The following RP1L1 variants were observed in gnomAD, a reference collection of about 807,000 sequenced individuals.
RP1L1 encodes retinitis pigmentosa 1-like 1 protein.
A neutral mutation model predicts 15.7 loss-of-function variants in RP1L1; 27 were observed. The observed-to-expected ratio is 1.72, with a 90% CI of 1.27 to 2.38. RP1L1 has a LOEUF of 2.38. Ranked by LOEUF, RP1L1 falls within the 30% of genes most tolerant of loss-of-function variation. The pLI, the probability that RP1L1 is intolerant of heterozygous loss-of-function variation, is 0.00. For synonymous variants in RP1L1, 1,813 were observed against 1,276.7 expected (o/e 1.42, Z -8.96); for missense variants, 4,798 against 3,075.9 (o/e 1.56, Z -13.24).
At position 10,609,271 on chromosome 8, in the gene RP1L1, A is replaced by G; in HGVS notation, c.4827T>C (p.Arg1609=). 6.2e-7 allele frequency: 1 copy of G among 1,609,630 alleles called. No individual in the cohort carries two copies. The change falls in exon 4 of 4, where the codon CGT becomes CGC. Residue 1609 remains arginine (R), a synonymous_variant. Transcript: ENST00000382483. ...LLLQTQQRRH[R]LRGLRNLSAF... ...CCGAGAGGTTTCGCAGGCCCCGGAG[A>G]CGGTGTCTGCGCTGCTGGGTCTGCA...
At chr8:10,624,600 G>A (rs1312815670) in intron 1 of RP1L1, among the ~76,000 whole-genome samples, 2 of 152,200 alleles carry the variant, frequency 1.3e-5, no homozygotes, top group Non-Finnish European at 2.9e-5. Context: ...CAGCTGGGTG[G>A]TGTTGGAAGG....
In RP1L1 at chr8:10,612,786, A is replaced by G; in HGVS notation, c.1312T>C (p.Trp438Arg). The G allele has an allele frequency of 6.2e-7, 1 of 1,610,518 alleles. No individual in the cohort carries two copies. Among genetic ancestry groups the G allele is most frequent in the Non-Finnish European group, 8.5e-7 (1 of 1,179,914 alleles). Residue 438 changes from tryptophan to arginine, a missense_variant, in exon 4 of 4, where the codon TGG becomes CGG. Coordinates refer to ENST00000382483, the MANE Select transcript of RP1L1 (RefSeq NM_178857.6). ...TCCCTCCCGGCAGTCCCGTGGCCCCACAGGCCACTGCAGCGGACGTGCTGG... is the reference window on the plus strand; with the variant it reads ...TCCCTCCCGGCAGTCCCGTGGCCCCGCAGGCCACTGCAGCGGACGTGCTGG... ...LAQHVRCSGL[W>R]GHGTAGRERC... is the part of the protein sequence containing the mutation.
Position 10,607,320 on chromosome 8 carries a change from C to T in RP1L1, c.6778G>A (p.Gly2260Ser). The change falls in exon 4 of 4, where the codon GGC (glycine) becomes AGC (serine). Residue 2260 changes from glycine to serine, a missense_variant. By Grantham distance (56) the Gly-to-Ser change is moderately conservative (BLOSUM62 0). Transcript: ENST00000382483. Reference sequence around the variant, plus strand: ...CTTTCAGAAGCCTCCTCAGATTGGCCATCTCCTAGACTGACCTGAGGGCTC... The same window carrying T: ...CTTTCAGAAGCCTCCTCAGATTGGCTATCTCCTAGACTGACCTGAGGGCTC... ...KGSPQVSLGD[G>S]QSEEASESSS... 6.2e-7 allele frequency: 1 copy of T among 1,614,218 alleles called. No individual in the cohort carries two copies. Among genetic ancestry groups the T allele is most frequent in the South Asian group, 1.1e-5 (1 of 91,082 alleles).
intron 1 of RP1L1, among the ~76,000 whole-genome samples, chr8:10,629,822 C>T (rs1798213548): frequency 6.6e-6 from 1 of 151,742 alleles, no homozygotes; most frequent in Non-Finnish European, 1.5e-5. Context: ...CAGAGGAAGG[C>T]TGCTGTGGGC....
chr8:10,608,899 C>T lies in RP1L1; in HGVS notation c.5199G>A (p.Gly1733=), dbSNP rs758599234. The T allele has an allele frequency of 3.7e-6, 6 of 1,614,012 alleles. No homozygotes were observed. The highest frequency in any genetic ancestry group is 4.2e-6 in the Non-Finnish European group (5 of 1,180,040). Residue 1733 remains glycine, a synonymous_variant, in exon 4 of 4, where the codon GGG becomes GGA. Coordinates refer to ENST00000382483, the MANE Select transcript of RP1L1 (RefSeq NM_178857.6). ...CGTCCACTCCAGGCCCCTGGCTCAG[C>T]CCCGGCCCCAGCCCTCCCTCAGCTC... ...VQGAEGGLGP[G]LSQGPGVDEG...
intron 1 of RP1L1, among the ~76,000 whole-genome samples, chr8:10,637,194 T>C (rs1184622954): frequency 6.6e-6 from 1 of 152,192 alleles, no homozygotes; most frequent in East Asian, 1.9e-4. Flanking sequence ...ACAGCAAGGC[T>C]GCCTCTCCCC....
At chr8:10,633,638 G>C (rs1190750252) in intron 1 of RP1L1, among the ~76,000 whole-genome samples, 1 of 152,104 alleles carries the variant, frequency 6.6e-6, no homozygotes, top group Non-Finnish European at 1.5e-5. Flanking sequence ...CTGCTGTTCT[G>C]TGGTCATCAT....
At chr8:10,628,563 G>A (rs182659260) in intron 1 of RP1L1, among the ~76,000 whole-genome samples, 307 of 152,312 alleles carry the variant, frequency 2.0e-3, no homozygotes, top group African/African-American at 7.2e-3. Flanking sequence ...AAGGAGAGGA[G>A]AAACAACAGA....
intron 1 of RP1L1, among the ~76,000 whole-genome samples, chr8:10,638,023 G>A (rs556692101): frequency 9.2e-5 from 14 of 152,220 alleles, no homozygotes; most frequent in Non-Finnish European, 1.8e-4. Context: ...GGTGGCTTGC[G>A]AGACCAGAGC....
rs1797860235 is a variant in RP1L1, at chr8:10,611,720, C to G, written c.2378G>C (p.Gly793Ala). 6.2e-7 allele frequency: 1 copy of G among 1,613,640 alleles called. No individual in the cohort carries two copies. Among genetic ancestry groups the G allele is most frequent in the South Asian group, 1.1e-5 (1 of 91,078 alleles). ...CTGAGGCGTGTCCCTGGCCTCTTCCCCCAGGCTGGCAGCCCCAGATTTTGA... is the reference window on the plus strand; with the variant it reads ...CTGAGGCGTGTCCCTGGCCTCTTCCGCCAGGCTGGCAGCCCCAGATTTTGA... The part of the protein sequence containing the change: ...SCSKSGAASL[G>A]EEARDTPQPS... The change falls in exon 4 of 4, where the codon GGG (glycine) becomes GCG (alanine). Residue 793 changes from glycine (G) to alanine (A), a missense_variant. Gly to Ala is a moderately conservative substitution (Grantham distance 60). Coordinates refer to ENST00000382483, the MANE Select transcript of RP1L1 (RefSeq NM_178857.6).
In RP1L1 at chr8:10,609,494, G is replaced by T. The variant is rs1797785809; in HGVS notation, c.4604C>A (p.Ala1535Asp). The T allele has an allele frequency of 1.2e-6, 2 of 1,610,678 alleles. No individual in the cohort carries two copies. ...KTEKAFLAHL[A>D]SAVAELRARW... Reference sequence around the variant, plus strand: ...TGCTCGGAGCTCAGCCACCGCACTGGCAAGGTGGGCCAGGAAGGCCTTCTC... The same window carrying T: ...TGCTCGGAGCTCAGCCACCGCACTGTCAAGGTGGGCCAGGAAGGCCTTCTC... The change falls in exon 4 of 4, where the codon GCC becomes GAC. Residue 1535 changes from alanine to aspartate, a missense_variant. Coordinates refer to ENST00000382483, the MANE Select transcript of RP1L1 (RefSeq NM_178857.6).
At chr8:10,615,382 G>C (rs969934909) in intron 3 of RP1L1, among the ~76,000 whole-genome samples, 9 of 152,156 alleles carry the variant, frequency 5.9e-5, no homozygotes, top group Admixed American at 5.9e-4. Flanking sequence ...TATATGGTTG[G>C]TTGTATGGAT....
rs941538402 is a variant in RP1L1, at chr8:10,631,224, A to C, written c.-19-8004T>G. Among the ~76,000 whole-genome samples the C allele has an allele frequency of 1.3e-4, 17 of 127,990 alleles. No homozygotes were observed. In the South Asian group the frequency reaches 4.5e-3, roughly 34 times the overall value. 84.0% of individuals were successfully genotyped at this position (127,990 alleles called of 152,430 possible). ...AAAAACACACACACACACACACACA[A>C]ACGCACACACGTACACACATGCACA... On this transcript the variant is annotated intron_variant, in intron 1 of 3. Coordinates refer to ENST00000382483, the MANE Select transcript of RP1L1 (RefSeq NM_178857.6).
chr8:10,628,506 C>A (rs753902909), intron 1 of RP1L1, among the ~76,000 whole-genome samples: 6 of 152,126 alleles, frequency 3.9e-5, no homozygotes, highest in Non-Finnish European at 5.9e-5. Flanking sequence ...ATCCAGGAAG[C>A]CCAGGCTAAG....
At chr8:10,630,344 G>C (rs754519380) in intron 1 of RP1L1, among the ~76,000 whole-genome samples, 2 of 152,216 alleles carry the variant, frequency 1.3e-5, no homozygotes, top group Non-Finnish European at 2.9e-5. Flanking sequence ...CATCTAACAA[G>C]TCCTGCCTCT....
intron 1 of RP1L1, among the ~76,000 whole-genome samples, chr8:10,642,158 A>T (rs917273563): frequency 6.6e-6 from 1 of 152,234 alleles, no homozygotes; most frequent in African/African-American, 2.4e-5. Flanking sequence ...ATAATTAATT[A>T]TCTCAAAATG....
At chr8:10,639,216 T>A (rs1471456648) in intron 1 of RP1L1, among the ~76,000 whole-genome samples, 1 of 151,806 alleles carries the variant, frequency 6.6e-6, no homozygotes, top group Non-Finnish European at 1.5e-5. Context: ...TGCCCTCAAT[T>A]CTGCTCTTCA....
chr8:10,634,946 C>A (rs892179638), intron 1 of RP1L1, among the ~76,000 whole-genome samples: 3 of 152,216 alleles, frequency 2.0e-5, no homozygotes, highest in Admixed American at 6.5e-5. Flanking sequence ...CCATCTCCCC[C>A]AGAAATGCAT....
At chr8:10,616,110 TG>T (rs1312576694) in intron 3 of RP1L1, among the ~76,000 whole-genome samples, 1 of 152,186 alleles carries the variant, frequency 6.6e-6, no homozygotes, top group African/African-American at 2.4e-5. Flanking sequence ...TGTCTCATTA[TG>T]TTGCCCAGGC....
Sources: allele counts gnomAD v4.1 joint callset (sites outside exome capture counted in the v4.1 genomes callset), GRCh38; gene constraint gnomAD v4.1.1; transcripts MANE v1.5; gene names NCBI Gene and HGNC (gene_info 2026-07-23, HGNC 2026-07-21).